NXPE2: variants seen among roughly 807,000 people sequenced by gnomAD.
NXPE2 encodes neurexophilin and PC-esterase domain family member 2.
Under a neutral mutation model 34.4 loss-of-function variants are expected in NXPE2, and 34 were observed. The observed-to-expected ratio is 0.99, with a 90% CI of 0.75 to 1.31. NXPE2 has a LOEUF of 1.31. Ranked by LOEUF, NXPE2 falls within the 40% of genes most tolerant of loss-of-function variation. The probability of loss-of-function intolerance (pLI) is 0.00; values close to 1 mark genes in which losing one functional copy is unlikely to be tolerated. For missense variants in NXPE2, 649 were observed against 672.5 expected (o/e 0.97, Z 0.39); for synonymous variants, 235 against 231.3 (o/e 1.02, Z -0.15).
chr11:114,609,963 G>T, the NXPE2 span, among the ~76,000 whole-genome samples: 1 of 151,420 alleles, frequency 6.6e-6, no homozygotes, highest in African/African-American at 2.4e-5. Context: ...CTGTTACACG[G>T]TGGATAATAG....
chr11:114,732,630 T>G, the NXPE2 span, among the ~76,000 whole-genome samples: 6 of 152,230 alleles, frequency 3.9e-5, no homozygotes, highest in African/African-American at 9.6e-5. Flanking sequence ...GACTTGTCAT[T>G]GTTCAGTCCT....
At chr11:114,716,073 C>T in the NXPE2 span, among the ~76,000 whole-genome samples, 1 of 152,202 alleles carries the variant, frequency 6.6e-6, no homozygotes, top group African/African-American at 2.4e-5. Context: ...ATCCTCTTTC[C>T]AGTCTATTTC....
the NXPE2 span, among the ~76,000 whole-genome samples, chr11:114,614,570 A>G: frequency 6.6e-6 from 1 of 151,822 alleles, no homozygotes; most frequent in Non-Finnish European, 1.5e-5. Flanking sequence ...CTTGTGGGTA[A>G]CTACTGTTAC....
At chr11:114,682,392 C>T (rs964093520) in intron 2 of NXPE2, among the ~76,000 whole-genome samples, 5 of 152,074 alleles carry the variant, frequency 3.3e-5, no homozygotes, top group Admixed American at 2.6e-4. Context: ...CCAAGATAGT[C>T]CCTGGGCCTT....
chr11:114,768,526 A>G, the NXPE2 span, among the ~76,000 whole-genome samples: 1 of 152,314 alleles, frequency 6.6e-6, no homozygotes, highest in South Asian at 2.1e-4. Flanking sequence ...CACAATATTA[A>G]TTCTTCCTAT....
chr11:114,537,697 T>G, the NXPE2 span, among the ~76,000 whole-genome samples: 1 of 151,916 alleles, frequency 6.6e-6, no homozygotes, highest in Non-Finnish European at 1.5e-5. Flanking sequence ...TCAAAGAGAA[T>G]AAAATACCTA....
At chr11:114,502,521 G>T in the NXPE2 span, among the ~76,000 whole-genome samples, 83 of 152,240 alleles carry the variant, frequency 5.5e-4, 2 homozygotes, top group East Asian at 0.016. Context: ...CTAAGATTAT[G>T]AGACTTTATA....
chr11:114,640,663 G>T, the NXPE2 span, among the ~76,000 whole-genome samples: 1 of 151,870 alleles, frequency 6.6e-6, no homozygotes, highest in African/African-American at 2.4e-5. Flanking sequence ...CTAGGGTAAG[G>T]TGGTATCTCA....
At chr11:114,574,519 T>C in the NXPE2 span, among the ~76,000 whole-genome samples, 2 of 152,004 alleles carry the variant, frequency 1.3e-5, no homozygotes, top group Non-Finnish European at 2.9e-5. Flanking sequence ...ACAGGAGATA[T>C]TACAACTGAT....
At chr11:114,702,764 C>T (rs1269549116) in intron 3 of NXPE2, among the ~76,000 whole-genome samples, 2 of 152,166 alleles carry the variant, frequency 1.3e-5, no homozygotes, top group Non-Finnish European at 2.9e-5. Flanking sequence ...TCCCATGACT[C>T]CACCACTCCA....
chr11:114,601,468 A>T, the NXPE2 span, among the ~76,000 whole-genome samples: 4 of 121,904 alleles, frequency 3.3e-5, no homozygotes, highest in Admixed American at 2.4e-4. Flanking sequence ...ATATAATATA[A>T]AATTTATATA....
the NXPE2 span, among the ~76,000 whole-genome samples, chr11:114,721,026 C>A: frequency 6.6e-6 from 1 of 152,088 alleles, no homozygotes; most frequent in Admixed American, 6.6e-5. Flanking sequence ...AAGCACCTGC[C>A]TGCAGTCCTA....
At position 114,678,606 on chromosome 11, in the gene NXPE2, G is replaced by A. The variant is rs935307485; in HGVS notation, c.26+5G>A. On this transcript the variant is annotated splice_donor_5th_base_variant and intron_variant, in intron 1 of 5. Coordinates refer to ENST00000389586, the MANE Select transcript of NXPE2 (RefSeq NM_182495.6). Reference sequence around the variant, plus strand: ...GGAGAAAATACTCATCCATAGGTGTGGTACTTTCCAACTCTTACTGCCAAG... The same window carrying A: ...GGAGAAAATACTCATCCATAGGTGTAGTACTTTCCAACTCTTACTGCCAAG... 9.0e-6 allele frequency: 14 copies of A among 1,547,632 alleles called. No individual in the cohort carries two copies. Among genetic ancestry groups the A allele is most frequent in the African/African-American group, 1.4e-5 (1 of 72,856 alleles).
At chr11:114,484,050 TTCCATGGAGAACTTGGGAAAGTTC>T in the NXPE2 span, among the ~76,000 whole-genome samples, 1 of 152,282 alleles carries the variant, frequency 6.6e-6, no homozygotes, top group Non-Finnish European at 1.5e-5. Flanking sequence ...ATGGTTGCTC[TTCCATGGAGAACTTGGGAAAGTTC>T]TCCGTCATGT....
the NXPE2 span, among the ~76,000 whole-genome samples, chr11:114,645,528 A>G: frequency 6.6e-6 from 1 of 152,182 alleles, no homozygotes; most frequent in Non-Finnish European, 1.5e-5. Context: ...AATGTTGATA[A>G]ATTTAACTAT....
chr11:114,629,042 T>G, the NXPE2 span, among the ~76,000 whole-genome samples: 3 of 151,138 alleles, frequency 2.0e-5, no homozygotes, highest in Non-Finnish European at 4.4e-5. Context: ...AGCTTACCAA[T>G]GAAAAAGAGT....
At chr11:114,748,020 C>A in the NXPE2 span, among the ~76,000 whole-genome samples, 2 of 152,150 alleles carry the variant, frequency 1.3e-5, no homozygotes, top group Non-Finnish European at 2.9e-5. Context: ...TTCGTGAGAT[C>A]ACCTTTATTA....
At chr11:114,599,208 G>T in the NXPE2 span, among the ~76,000 whole-genome samples, 2 of 152,080 alleles carry the variant, frequency 1.3e-5, no homozygotes, top group African/African-American at 2.4e-5. Flanking sequence ...TTGGACAGGG[G>T]TACAGTGCCT....
the NXPE2 span, among the ~76,000 whole-genome samples, chr11:114,784,262 C>CT: frequency 6.6e-6 from 1 of 152,240 alleles, no homozygotes; most frequent in South Asian, 2.1e-4. Context: ...CTTGCTCCAT[C>CT]TCTGTCCTGG....
Sources: allele counts gnomAD v4.1 joint callset (sites outside exome capture counted in the v4.1 genomes callset), GRCh38; gene constraint gnomAD v4.1.1; transcripts MANE v1.5; gene names NCBI Gene and HGNC (gene_info 2026-07-23, HGNC 2026-07-21).